The following DGKZ variants were observed in gnomAD, a reference collection of about 807,000 sequenced individuals.
DGKZ encodes diacylglycerol kinase zeta.
In DGKZ, 45 loss-of-function variants were observed where a neutral mutation model predicts 142.5. The observed-to-expected ratio is 0.32, with a 90% CI of 0.25 to 0.40. DGKZ has a LOEUF of 0.40. Ranked by LOEUF, DGKZ falls within the 10% of genes least tolerant of loss-of-function variation. DGKZ has a pLI of 1.00. For missense variants in DGKZ, 755 were observed against 1,306.5 expected (o/e 0.58, Z 6.51); for synonymous variants, 442 against 527.0 (o/e 0.84, Z 2.21).
chr11:46,357,032 T>C (rs1051268948), intron 1 of DGKZ, among the ~76,000 whole-genome samples: 1 of 151,950 alleles, frequency 6.6e-6, no homozygotes, highest in Non-Finnish European at 1.5e-5. Flanking sequence ...CAGTAAAAGG[T>C]GATTGGGTGC....
chr11:46,347,474 G>T lies in DGKZ; in HGVS notation c.-186G>T. The T allele has an allele frequency of 1.0e-6, 1 of 982,420 alleles. No homozygotes were observed. Among genetic ancestry groups the T allele is most frequent in the South Asian group, 4.5e-5 (1 of 22,100 alleles). The allele number at this position is 982,420 out of a possible 1,614,324, so 60.9% of individuals were successfully genotyped here. A position where few individuals can be genotyped will look rare whatever the true frequency, so the allele number is the denominator to read the frequency against. ...CGGCCGCGGCTGGCGGCACTTCCTGGAGCGGCGGCGGCAGCGGCTTCCCGG... is the reference window on the plus strand; with the variant it reads ...CGGCCGCGGCTGGCGGCACTTCCTGTAGCGGCGGCGGCAGCGGCTTCCCGG... On this transcript the variant is annotated 5_prime_UTR_variant, in exon 1 of 31. Coordinates refer to ENST00000527911, the Ensembl canonical transcript of DGKZ. This position sits in a 1 kb window ranked among gnomAD's most constrained non-coding sequence, Gnocchi z 6.4.
intron 6 of DGKZ, among the ~76,000 whole-genome samples, 166 bp from the exon 7 acceptor site, chr11:46,371,147 T>G (rs1456830370): frequency 6.6e-6 from 1 of 152,096 alleles, no homozygotes. Flanking sequence ...TTGTTCCCAG[T>G]TACTTGGGGG....
chr11:46,348,764 G>C (rs370481037), intron 1 of DGKZ, among the ~76,000 whole-genome samples: 1 of 152,204 alleles, frequency 6.6e-6, no homozygotes, highest in Non-Finnish European at 1.5e-5. Flanking sequence ...GGTAAGGGAC[G>C]TGAGGCCCCA....
At chr11:46,337,287 C>CTTT (rs948859545) in intron 1 of DGKZ, among the ~76,000 whole-genome samples, 48 of 86,298 alleles carry the variant, frequency 5.6e-4, no homozygotes, top group African/African-American at 1.0e-3. Flanking sequence ...TAAATGGGTT[C>CTTT]TTTTTTTTTT....
chr11:46,335,141 C>G (rs972832381), intron 1 of DGKZ, among the ~76,000 whole-genome samples: 4 of 152,050 alleles, frequency 2.6e-5, no homozygotes, highest in African/African-American at 9.7e-5. Context: ...TGGTGAAACC[C>G]TGTCTCTACT....
chr11:46,374,851 G>A lies in DGKZ; in HGVS notation c.1598+12G>A. Reference sequence around the variant, plus strand: ...CTGAACATCCCCAGGTGAGGAGGGGGCTACCGGAGCTGGGGGGAGCCCTGC... The same window carrying A: ...CTGAACATCCCCAGGTGAGGAGGGGACTACCGGAGCTGGGGGGAGCCCTGC... On this transcript the variant is annotated intron_variant, in intron 18 of 30. Transcript: ENST00000527911. 6.3e-7 allele frequency: 1 copy of A among 1,585,810 alleles called. No individual in the cohort carries two copies. The highest frequency in any genetic ancestry group is 8.6e-7 in the Non-Finnish European group (1 of 1,162,478).
chr11:46,347,533 C>T lies in DGKZ; in HGVS notation c.-127C>T, dbSNP rs945366463. On this transcript the variant is annotated 5_prime_UTR_variant, in exon 1 of 31. Transcript: ENST00000527911. This position sits in a 1 kb window ranked among gnomAD's most constrained non-coding sequence, Gnocchi z 6.4. Reference sequence around the variant, plus strand: ...GCGTGGGGAGCGGGGGCGCGCGGCGCGGGGCGGGCGGAGCGAGCGCGCGCC... The same window carrying T: ...GCGTGGGGAGCGGGGGCGCGCGGCGTGGGGCGGGCGGAGCGAGCGCGCGCC... 3 of 982,094 alleles carry T rather than the reference C, an allele frequency of 3.1e-6. No individual in the cohort carries two copies. The highest frequency in any genetic ancestry group is 1.3e-4 in the Admixed American group (2 of 15,792). 60.8% of individuals were successfully genotyped at this position (982,094 alleles called of 1,614,324 possible).
At chr11:46,342,316 G>A (rs1018915492) in intron 1 of DGKZ, among the ~76,000 whole-genome samples, 3 of 152,186 alleles carry the variant, frequency 2.0e-5, no homozygotes, top group Non-Finnish European at 4.4e-5. Context: ...GCGCCAAGGA[G>A]TGCAAGTTCA....
At chr11:46,343,449 T>G (rs942167510), upstream of DGKZ, among the ~76,000 whole-genome samples, 1 of 152,218 alleles carries the variant, frequency 6.6e-6, no homozygotes, top group South Asian at 2.1e-4. Flanking sequence ...TGAACTGAAC[T>G]GATGCTGTTT....
At chr11:46,376,453 A>C (rs1395269461) in intron 23 of DGKZ, 56 bp downstream of exon 23, 2 of 1,613,746 alleles carry the variant, frequency 1.2e-6, no homozygotes, top group African/African-American at 2.7e-5. Context: ...AGGGGATCCC[A>C]GGTAGGGGCA....
upstream of DGKZ, chr11:46,347,365 C>T: frequency 3.0e-6 from 3 of 984,452 alleles, no homozygotes; most frequent in Non-Finnish European, 3.6e-6. This position sits in a 1 kb window ranked among gnomAD's most constrained non-coding sequence, Gnocchi z 6.4. Context: ...GCAGAGGGCG[C>T]TGCGGGCCCG....
chr11:46,347,889 T>A lies in DGKZ; in HGVS notation c.161+69T>A. 1 of 1,265,980 alleles carries A rather than the reference T, an allele frequency of 7.9e-7. No homozygotes were observed. The highest frequency in any genetic ancestry group is 1.0e-6 in the Non-Finnish European group (1 of 1,003,908). 78.4% of individuals were successfully genotyped at this position (1,265,980 alleles called of 1,614,324 possible). A position where few individuals can be genotyped will look rare whatever the true frequency, so the allele number is the denominator to read the frequency against. On this transcript the variant is annotated intron_variant, in intron 1 of 30. Transcript: ENST00000527911. This position sits in a 1 kb window ranked among gnomAD's most constrained non-coding sequence, Gnocchi z 6.4. ...TTACCGCTCCCTCACCGGGGGACAT[T>A]CCTCGGCCACTGGGGGTCCGGGCCA... is the stretch of plus-strand genomic sequence containing the variant.
upstream of DGKZ, chr11:46,347,327 CA>C: frequency 1.0e-6 from 1 of 984,960 alleles, no homozygotes; most frequent in Non-Finnish European, 1.2e-6. The surrounding 1 kb of genome is among the most constrained non-coding windows in gnomAD (Gnocchi z 6.4). Context: ...CGGACCGCCC[CA>C]GCGGGCTGCA....
chr11:46,370,764 C>G (rs1384251964), intron 6 of DGKZ, among the ~76,000 whole-genome samples: 1 of 152,124 alleles, frequency 6.6e-6, no homozygotes, highest in Admixed American at 6.5e-5. Context: ...TCAGGCTTAT[C>G]TTATACATAT....
upstream of DGKZ, among the ~76,000 whole-genome samples, chr11:46,345,840 C>T (rs1378141386): frequency 6.6e-6 from 1 of 152,126 alleles, no homozygotes; most frequent in Non-Finnish European, 1.5e-5. The surrounding 1 kb of genome is among the most constrained non-coding windows in gnomAD (Gnocchi z 4.1). Flanking sequence ...AGGAGCCCCC[C>T]CAGGAGTGTG....
chr11:46,358,463 T>C (rs1045504151), intron 1 of DGKZ, among the ~76,000 whole-genome samples: 16 of 152,158 alleles, frequency 1.1e-4, no homozygotes, highest in Admixed American at 7.9e-4. Flanking sequence ...GACAAACTAG[T>C]CAGATGTAGG....
intron 4 of DGKZ, 42 bp from the exon 5 acceptor site, chr11:46,369,451 AG>A: frequency 6.2e-7 from 1 of 1,613,000 alleles, no homozygotes; most frequent in Non-Finnish European, 8.5e-7. Context: ...CTGACCCCGA[AG>A]GGAGGTTCTG....
chr11:46,376,307 G>C, intron 22 of DGKZ, 21 bp from the exon 23 acceptor site: 1 of 1,613,816 alleles, frequency 6.2e-7, no homozygotes, highest in Non-Finnish European at 8.5e-7. Flanking sequence ...ATCCCAGCCT[G>C]GCCTTTGCTT....
intron 1 of DGKZ, among the ~76,000 whole-genome samples, chr11:46,336,096 G>C (rs1489248299): frequency 6.6e-6 from 1 of 152,214 alleles, no homozygotes; most frequent in Non-Finnish European, 1.5e-5. Context: ...AAAATCTGAG[G>C]GCGAGGAGTG....
Sources: gnomAD v4.1 joint callset for allele counts (sites outside exome capture counted in the v4.1 genomes callset) on GRCh38, gnomAD v4.1.1 for gene constraint, Gnocchi (gnomAD v3.1) non-coding constraint, MANE v1.5 for transcripts, NCBI Gene and HGNC (gene_info 2026-07-23, HGNC 2026-07-21) for gene names.